The following FPR3 variants were observed in gnomAD, a reference collection of about 807,000 sequenced individuals.
FPR3 encodes the protein N-formyl peptide receptor 3.
For synonymous variants in FPR3, 135 were observed against 163.6 expected (o/e 0.83, Z 1.34); for missense variants, 346 against 443.2 (o/e 0.78, Z 1.97).
chr19:51,801,546 C>T (rs373065803), intron 1 of FPR3, among the ~76,000 whole-genome samples: 3 of 152,268 alleles, frequency 2.0e-5, no homozygotes, highest in African/African-American at 4.8e-5. Flanking sequence ...TTTAGGAGGC[C>T]GAAGTGGGCA....
chr19:51,815,140 G>A (rs1195274499), intron 1 of FPR3, among the ~76,000 whole-genome samples: 2 of 152,120 alleles, frequency 1.3e-5, no homozygotes, highest in Admixed American at 1.3e-4. Context: ...GTTATTTAGG[G>A]CGAGGTCCCT....
Position 51,795,501 on chromosome 19 carries a change from A to ATTTTTTTTTTTTTTTTTTTTTTT in FPR3, c.-11+172_-11+173insTTTTTTTTTTTTTTTTTTTTTTT, listed in dbSNP as rs1361472024. Reference sequence around the variant, plus strand: ...TAATTTGGTTACATGTTCCAGTAACATTCTTTTTTTTTTTTTTTTTTTTTT... The same window carrying ATTTTTTTTTTTTTTTTTTTTTTT: ...TAATTTGGTTACATGTTCCAGTAACATTTTTTTTTTTTTTTTTTTTTTTTTCTTTTTTTTTTTTTTTTTTTTTT... On this transcript the variant is annotated intron_variant, in intron 1 of 1. Transcript: ENST00000339223. 1.8e-4 allele frequency among the ~76,000 whole-genome samples: 14 copies of ATTTTTTTTTTTTTTTTTTTTTTT among 77,068 alleles called. 1 individual carries two copies. The highest frequency in any genetic ancestry group is 2.5e-4 in the Non-Finnish European group (11 of 43,270). The allele number at this position is 77,068 out of a possible 152,430, so 50.6% of individuals were successfully genotyped here.
Position 51,823,829 on chromosome 19 carries a change from C to A in FPR3, c.81C>A (p.Ile27=), listed in dbSNP as rs559612922. The A allele has an allele frequency of 1.8e-4, 291 of 1,614,052 alleles. 1 individual carries two copies. The South Asian group carries it at 2.9e-3, about 16-fold the overall frequency. Residue 27 remains isoleucine, a synonymous_variant, in exon 2 of 2, where the codon ATC becomes ATA. Coordinates refer to ENST00000339223, the MANE Select transcript of FPR3 (RefSeq NM_002030.5). The stretch of plus-strand genomic sequence containing the variant: ...CTGCTGGCCACACCGTTCTGTGGAT[C>A]TTCTCATTGCTAGTCCACGGAGTCA... ...PEPAGHTVLW[I]FSLLVHGVTF...
At chr19:51,816,321 G>A (rs1292494814) in intron 1 of FPR3, among the ~76,000 whole-genome samples, 1 of 152,140 alleles carries the variant, frequency 6.6e-6, no homozygotes, top group Non-Finnish European at 1.5e-5. Context: ...GATCTCGGCT[G>A]ACTACAACCT....
chr19:51,807,156 C>T (rs1377778951), intron 1 of FPR3, among the ~76,000 whole-genome samples: 1 of 152,106 alleles, frequency 6.6e-6, no homozygotes, highest in East Asian at 1.9e-4. Context: ...CTCTAGTGGA[C>T]AATGGCCCTG....
At chr19:51,808,791 C>T (rs920057320) in intron 1 of FPR3, among the ~76,000 whole-genome samples, 12 of 152,132 alleles carry the variant, frequency 7.9e-5, no homozygotes, top group African/African-American at 2.4e-4. Context: ...ATGTAGTAGT[C>T]GCCATCTTCC....
chr19:51,819,534 G>A (rs1193636565), intron 1 of FPR3, among the ~76,000 whole-genome samples: 1 of 152,184 alleles, frequency 6.6e-6, no homozygotes, highest in Non-Finnish European at 1.5e-5. Flanking sequence ...AAGAGATCCA[G>A]TGGTTCCTAT....
chr19:51,809,384 A>G lies in FPR3; in HGVS notation c.-11+14053A>G, dbSNP rs150355348. On this transcript the variant is annotated intron_variant, in intron 1 of 1. Transcript: ENST00000339223. ...ATATGACTGACACATCAGCTCCCGT[A>G]TCCATAAGCCCATAAAATTTCTTTC... is the stretch of plus-strand genomic sequence containing the variant. Among the ~76,000 whole-genome samples the G allele has an allele frequency of 5.2e-4, 79 of 152,338 alleles. No homozygotes were observed. The East Asian group carries it at 0.015, about 28-fold the overall frequency.
At chr19:51,804,312 C>T (rs959668277) in intron 1 of FPR3, among the ~76,000 whole-genome samples, 2 of 151,650 alleles carry the variant, frequency 1.3e-5, no homozygotes, top group African/African-American at 4.8e-5. Context: ...ATCTAGGAAA[C>T]GTAATCCTAG....
Position 51,824,358 on chromosome 19 carries a change from C to T in FPR3, c.610C>T (p.Leu204Phe). Residue 204 changes from leucine to phenylalanine, a missense_variant, in exon 2 of 2, where the codon CTC becomes TTC. Transcript: ENST00000339223. This position sits in a 1 kb window ranked among gnomAD's most constrained non-coding sequence, Gnocchi z 4.7. Reference sequence around the variant, plus strand: ...TACCATGGCCAAGGTCTTTCTGATCCTCCACTTCATTATTGGCTTCAGCGT... The same window carrying T: ...TACCATGGCCAAGGTCTTTCTGATCTTCCACTTCATTATTGGCTTCAGCGT... Reference protein sequence around the residue: ...FITMAKVFLILHFIIGFSVPM... With the variant: ...FITMAKVFLIFHFIIGFSVPM... 1 of 1,614,140 alleles carries T rather than the reference C, an allele frequency of 6.2e-7. No homozygotes were observed. Among genetic ancestry groups the T allele is most frequent in the Non-Finnish European group, 8.5e-7 (1 of 1,180,016 alleles).
intron 1 of FPR3, among the ~76,000 whole-genome samples, chr19:51,795,589 C>T (rs1451894806): frequency 7.3e-6 from 1 of 137,678 alleles, no homozygotes; most frequent in Non-Finnish European, 1.5e-5. Flanking sequence ...TCTCAGCCCA[C>T]TGCAACCTCT....
At chr19:51,811,075 C>A (rs2084093419) in intron 1 of FPR3, among the ~76,000 whole-genome samples, 1 of 150,494 alleles carries the variant, frequency 6.6e-6, no homozygotes, top group Non-Finnish European at 1.5e-5. Flanking sequence ...ACAACAGATT[C>A]TTTCAGATTT....
In FPR3 at chr19:51,824,898, T is replaced by TACA; in HGVS notation, c.*90_*91insAAC. The TACA allele has an allele frequency of 1.0e-6, 1 of 984,910 alleles. No individual in the cohort carries two copies. Among genetic ancestry groups the TACA allele is most frequent in the Non-Finnish European group, 1.5e-6 (1 of 669,978 alleles). The allele number at this position is 984,910 out of a possible 1,614,324, so 61.0% of individuals were successfully genotyped here. A position where few individuals can be genotyped will look rare whatever the true frequency, so the allele number is the denominator to read the frequency against. On this transcript the variant is annotated 3_prime_UTR_variant, in exon 2 of 2. Transcript: ENST00000339223. This position sits in a 1 kb window ranked among gnomAD's most constrained non-coding sequence, Gnocchi z 4.7. Reference sequence around the variant, plus strand: ...TGACAGTGTTTTTCTTCCTCTTTCATACCACCACCACCACAATCATCAACA... The same window carrying TACA: ...TGACAGTGTTTTTCTTCCTCTTTCATACAACCACCACCACCACAATCATCAACA...
At chr19:51,819,304 G>A (rs1013758639) in intron 1 of FPR3, among the ~76,000 whole-genome samples, 5 of 152,190 alleles carry the variant, frequency 3.3e-5, no homozygotes, top group Non-Finnish European at 7.4e-5. Context: ...GGGGAGGCCA[G>A]TGCTAATAAT....
At chr19:51,798,699 C>T (rs151114223) in intron 1 of FPR3, among the ~76,000 whole-genome samples, 4 of 152,072 alleles carry the variant, frequency 2.6e-5, no homozygotes, top group African/African-American at 9.6e-5. Context: ...ATGGATTCTC[C>T]CTAGTAAAAA....
At chr19:51,813,157 CA>C (rs2084109887) in intron 1 of FPR3, among the ~76,000 whole-genome samples, 3 of 149,824 alleles carry the variant, frequency 2.0e-5, no homozygotes, top group Non-Finnish European at 4.4e-5. Flanking sequence ...CACACACACA[CA>C]CACCCCATAA....
chr19:51,812,219 T>C (rs971158592), intron 1 of FPR3, among the ~76,000 whole-genome samples: 1 of 152,182 alleles, frequency 6.6e-6, no homozygotes, highest in Non-Finnish European at 1.5e-5. Context: ...CCAGTTAAGA[T>C]AGTTAATATG....
rs58620565 is a variant in FPR3 at position 51,795,504 on chromosome 19, C to CTTTTTTTTTTTTTTTTTTTTTTT, written c.-11+180_-11+202dup. Among the ~76,000 whole-genome samples, 29 of 74,740 alleles carry CTTTTTTTTTTTTTTTTTTTTTTT rather than the reference C, an allele frequency of 3.9e-4. 8 individuals are homozygous for CTTTTTTTTTTTTTTTTTTTTTTT. Among genetic ancestry groups the CTTTTTTTTTTTTTTTTTTTTTTT allele is most frequent in the East Asian group, 1.1e-3 (2 of 1,814 alleles). 49.0% of individuals were successfully genotyped at this position (74,740 alleles called of 152,430 possible). A position where few individuals can be genotyped will look rare whatever the true frequency, so the allele number is the denominator to read the frequency against. Reference sequence around the variant, plus strand: ...TTTGGTTACATGTTCCAGTAACATTCTTTTTTTTTTTTTTTTTTTTTTTTT... The same window carrying CTTTTTTTTTTTTTTTTTTTTTTT: ...TTTGGTTACATGTTCCAGTAACATTCTTTTTTTTTTTTTTTTTTTTTTTTTTTTTTTTTTTTTTTTTTTTTTTT... On this transcript the variant is annotated intron_variant, in intron 1 of 1. Coordinates refer to ENST00000339223, the MANE Select transcript of FPR3 (RefSeq NM_002030.5).
chr19:51,808,792 G>A (rs1599833392), intron 1 of FPR3, among the ~76,000 whole-genome samples: 1 of 152,178 alleles, frequency 6.6e-6, no homozygotes, highest in African/African-American at 2.4e-5. Context: ...TGTAGTAGTC[G>A]CCATCTTCCG....
Sources: gnomAD v4.1 joint callset for allele counts (sites outside exome capture counted in the v4.1 genomes callset) on GRCh38, gnomAD v4.1.1 for gene constraint, Gnocchi (gnomAD v3.1) non-coding constraint, MANE v1.5 for transcripts, NCBI Gene and HGNC (gene_info 2026-07-23, HGNC 2026-07-21) for gene names.